Variants in RXRG observed in about 807,000 individuals in gnomAD.
RXRG encodes retinoid X receptor gamma.
In RXRG, 19 loss-of-function variants were observed where a neutral mutation model predicts 49.2. The ratio of observed to expected loss-of-function variants is 0.39; its 90% CI spans 0.27 to 0.57. The LOEUF is 0.57. RXRG is among the 20% of genes least tolerant of loss of function. The probability of loss-of-function intolerance (pLI) is 0.64; values close to 1 mark genes in which losing one functional copy is unlikely to be tolerated. For synonymous variants in RXRG, 224 were observed against 216.6 expected, an observed-to-expected ratio of 1.03 and a Z score of -0.30; for missense variants, 452 against 592.5, an observed-to-expected ratio of 0.76 and a Z score of 2.46.
At chr1:165,425,486 A>G (rs935836130) in intron 2 of RXRG, among the ~76,000 whole-genome samples, 3 of 152,190 alleles carry the variant, frequency 2.0e-5, no homozygotes, top group Non-Finnish European at 4.4e-5. Context: ...ATTGGGATGA[A>G]TGTCAATGCC....
intron 2 of RXRG, among the ~76,000 whole-genome samples, chr1:165,422,688 T>C (rs933814286): frequency 6.6e-6 from 1 of 152,164 alleles, no homozygotes; most frequent in African/African-American, 2.4e-5. Context: ...TTGATTTAGT[T>C]TGGGAAGCAA....
At chr1:165,416,850 A>C (rs564377869) in intron 4 of RXRG, among the ~76,000 whole-genome samples, 191 bp downstream of exon 4, 2 of 152,320 alleles carry the variant, frequency 1.3e-5, no homozygotes, top group African/African-American at 4.8e-5. Context: ...ATTCAATTGC[A>C]ATACACGAGT....
At chr1:165,406,549 G>A (rs1657756074) in intron 9 of RXRG, among the ~76,000 whole-genome samples, 1 of 152,138 alleles carries the variant, frequency 6.6e-6, no homozygotes, top group Non-Finnish European at 1.5e-5. Context: ...TTATTCATTT[G>A]TTTGCTATTC....
intron 1 of RXRG, chr1:165,437,296 G>T: frequency 8.5e-7 from 1 of 1,175,572 alleles, no homozygotes; most frequent in Non-Finnish European, 1.1e-6. Context: ...AGAGCATGAA[G>T]CCCATTCCCT....
chr1:165,443,300 A>G (rs1287761692), intron 1 of RXRG, among the ~76,000 whole-genome samples: 1 of 152,184 alleles, frequency 6.6e-6, no homozygotes, highest in Non-Finnish European at 1.5e-5. Flanking sequence ...GCTGAAAATG[A>G]GCATGCACCT....
rs1491272318 is a variant in RXRG at position 165,434,272 on chromosome 1, A to ATGTGTGTGTGTGTGTGTG, written c.50-5307_50-5306insCACACACACACACACACA. ...CCACAATCTCTAAACAATGAATTGCATGTGTGTATGTGTGTGTGTGTGTGT... is the reference window on the plus strand; with the variant it reads ...CCACAATCTCTAAACAATGAATTGCATGTGTGTGTGTGTGTGTGTGTGTGTATGTGTGTGTGTGTGTGT... On this transcript the variant is annotated intron_variant, in intron 1 of 9. Transcript: ENST00000359842. 9.6e-3 allele frequency among the ~76,000 whole-genome samples: 638 copies of ATGTGTGTGTGTGTGTGTG among 66,748 alleles called. 10 individuals carry two copies. The highest frequency in any genetic ancestry group is 0.069 in the Admixed American group (487 of 7,020). The allele number at this position is 66,748 out of a possible 152,430, so 43.8% of individuals were successfully genotyped here. A position where few individuals can be genotyped will look rare whatever the true frequency, so the allele number is the denominator to read the frequency against.
chr1:165,408,924 C>A (rs157861), intron 7 of RXRG, among the ~76,000 whole-genome samples: 1 of 152,062 alleles, frequency 6.6e-6, no homozygotes, highest in Non-Finnish European at 1.5e-5. Context: ...CTTAATTCTC[C>A]TCTTTACCAG....
At position 165,401,325 on chromosome 1, in the gene RXRG, C is replaced by T; in HGVS notation, c.1330G>A (p.Gly444Arg). 4 of 1,614,072 alleles carry T rather than the reference C, an allele frequency of 2.5e-6. No individual in the cohort carries two copies. Among genetic ancestry groups the T allele is most frequent in the Non-Finnish European group, 3.4e-6 (4 of 1,180,022 alleles). Residue 444 changes from glycine to arginine, a missense_variant, in exon 10 of 10, where the codon GGG becomes AGG. By Grantham distance (125) the Gly-to-Arg change is moderately radical. This residue lies in a region of RXRG where 286 missense variants were observed against 440.9 expected (regional missense o/e 0.65). Transcript: ENST00000359842. ...LEHLFFFKLI[G>R]DTPIDTFLME... ...AGGAAGGTGTCAATGGGGGTGTCCC[C>T]GATGAGCTTGAAGAAGAAGAGGTGC...
intron 9 of RXRG, among the ~76,000 whole-genome samples, chr1:165,404,123 C>T (rs1485532835): frequency 3.3e-5 from 5 of 152,212 alleles, no homozygotes; most frequent in African/African-American, 1.2e-4. Context: ...CTGGCTGTGC[C>T]AGGATCCCCT....
At chr1:165,443,553 TAC>T (rs1659069485) in intron 1 of RXRG, among the ~76,000 whole-genome samples, 1 of 152,192 alleles carries the variant, frequency 6.6e-6, no homozygotes, top group Non-Finnish European at 1.5e-5. Flanking sequence ...CGTTTGCTAT[TAC>T]ACACATCATG....
chr1:165,433,381 C>T (rs761832107), intron 1 of RXRG, among the ~76,000 whole-genome samples: 1 of 152,186 alleles, frequency 6.6e-6, no homozygotes, highest in African/African-American at 2.4e-5. Context: ...TGTGGCATGA[C>T]CCCTGGCCCC....
chr1:165,431,024 A>G (rs1201729361), intron 1 of RXRG, among the ~76,000 whole-genome samples: 1 of 152,064 alleles, frequency 6.6e-6, no homozygotes, highest in African/African-American at 2.4e-5. Context: ...AGCATTTGTT[A>G]TACTGTATCA....
intron 3 of RXRG, among the ~76,000 whole-genome samples, chr1:165,418,738 A>C (rs1658216822): frequency 6.6e-6 from 1 of 152,260 alleles, no homozygotes; most frequent in Admixed American, 6.5e-5. Context: ...TGTGTGACAT[A>C]GTCATTCCCA....
rs1658965087 is a variant in RXRG, at chr1:165,440,945, C to T, written c.49+3900G>A. On this transcript the variant is annotated intron_variant, in intron 1 of 9. Coordinates refer to ENST00000359842, the MANE Select transcript of RXRG (RefSeq NM_006917.5). ...TAGTTTATACGAAATATGTTCCTTC[C>T]TAAATCTCATAAACAGTTACTCCTT... Among the ~76,000 whole-genome samples the T allele has an allele frequency of 1.3e-5, 2 of 152,222 alleles. 1 individual carries two copies. The highest frequency in any genetic ancestry group is 2.9e-5 in the Non-Finnish European group (2 of 68,046).
chr1:165,442,019 A>G (rs577456729), intron 1 of RXRG, among the ~76,000 whole-genome samples: 2 of 152,332 alleles, frequency 1.3e-5, no homozygotes, highest in African/African-American at 4.8e-5. Flanking sequence ...CTCAGGTGTT[A>G]TTTCCAAAAG....
At chr1:165,426,219 AG>A (rs2101731921) in intron 2 of RXRG, among the ~76,000 whole-genome samples, 1 of 152,356 alleles carries the variant, frequency 6.6e-6, no homozygotes, top group South Asian at 2.1e-4. Context: ...ACTCTGAAAA[AG>A]GTCCTACAGG....
chr1:165,419,854 C>A lies in RXRG; in HGVS notation c.442+16G>T, dbSNP rs1372020233. 12 of 1,588,684 alleles carry A rather than the reference C, an allele frequency of 7.6e-6. No individual in the cohort carries two copies. ...CTCTGTGGCACTTTTCAGGGAGTGTCTGCTTCTGCATGTACCTGAGGATCT... is the reference window on the plus strand; with the variant it reads ...CTCTGTGGCACTTTTCAGGGAGTGTATGCTTCTGCATGTACCTGAGGATCT... On this transcript the variant is annotated intron_variant, in intron 3 of 9. Coordinates refer to ENST00000359842, the MANE Select transcript of RXRG (RefSeq NM_006917.5).
At position 165,411,123 on chromosome 1, in the gene RXRG, G is replaced by A; in HGVS notation, c.623-14C>T. ...CTTCTTGCACAGCTGACATGCAGCA[G>A]GACATGCAGAGGTTACCATAATGCC... On this transcript the variant is annotated splice_polypyrimidine_tract_variant and intron_variant, in intron 4 of 9. Coordinates refer to ENST00000359842, the MANE Select transcript of RXRG (RefSeq NM_006917.5). The A allele has an allele frequency of 6.2e-7, 1 of 1,612,828 alleles. No homozygotes were observed.
At chr1:165,437,868 T>C (rs1190071691) in intron 1 of RXRG, among the ~76,000 whole-genome samples, 1 of 152,184 alleles carries the variant, frequency 6.6e-6, no homozygotes, top group African/African-American at 2.4e-5. Context: ...AGGTCTATAA[T>C]TTGGTGCTGG....
Sources: allele counts gnomAD v4.1 joint callset (sites outside exome capture counted in the v4.1 genomes callset), GRCh38; gene constraint gnomAD v4.1.1; regional missense constraint gnomAD v4.1.1; transcripts MANE v1.5; gene names NCBI Gene and HGNC (gene_info 2026-07-23, HGNC 2026-07-21).